CSNK1G3: variants seen among roughly 807,000 people sequenced by gnomAD.
CSNK1G3 encodes casein kinase I isoform gamma-3.
CSNK1G3 carries 23 observed loss-of-function variants against 64.3 expected under a neutral mutation model. That is an observed-to-expected ratio of 0.36 (90% CI 0.26 to 0.51). The LOEUF is 0.51. Ranked by LOEUF, CSNK1G3 falls within the 20% of genes least tolerant of loss-of-function variation. The probability of loss-of-function intolerance (pLI) is 0.96; values close to 1 mark genes in which losing one functional copy is unlikely to be tolerated. For missense variants in CSNK1G3, 357 were observed against 510.5 expected (o/e 0.70, Z 2.90); for synonymous variants, 158 against 162.2 (o/e 0.97, Z 0.20).
intron 1 of CSNK1G3, among the ~76,000 whole-genome samples, chr5:123,531,276 G>T (rs897461486): frequency 6.6e-6 from 1 of 152,058 alleles, no homozygotes; most frequent in Middle Eastern, 3.4e-3. Context: ...ACTTAATACC[G>T]ATATGTTCTC....
intron 3 of CSNK1G3, among the ~76,000 whole-genome samples, chr5:123,557,093 A>G (rs1382554960): frequency 2.0e-5 from 3 of 152,248 alleles, no homozygotes; most frequent in Admixed American, 6.5e-5. Context: ...TCAAATTACC[A>G]TCTTTGTTCT....
chr5:123,588,950 T>G (rs1262939934), intron 8 of CSNK1G3, among the ~76,000 whole-genome samples: 2 of 152,130 alleles, frequency 1.3e-5, no homozygotes, highest in African/African-American at 4.8e-5. Flanking sequence ...CCTCACTAGT[T>G]TGGGGCTAAT....
chr5:123,590,582 A>G (rs1792151768), intron 9 of CSNK1G3, 24 bp downstream of exon 9: 1 of 1,355,290 alleles, frequency 7.4e-7, no homozygotes, highest in Non-Finnish European at 9.9e-7. Context: ...ATAATAATAT[A>G]TTACTTACAG....
chr5:123,578,944 A>G lies in CSNK1G3; in HGVS notation c.673+2981A>G, dbSNP rs531267291. Among the ~76,000 whole-genome samples the G allele has an allele frequency of 3.3e-5, 5 of 152,098 alleles. No individual in the cohort carries two copies. In the South Asian group the frequency reaches 6.2e-4, roughly 19 times the overall value. On this transcript the variant is annotated intron_variant, in intron 6 of 12. Transcript: ENST00000345990. ...TACAAACTTAATTATCTGCTTTTAG[A>G]TATTATTCTGCTTTCAGATACTATT...
At chr5:123,604,034 C>G (rs894066438) in intron 10 of CSNK1G3, among the ~76,000 whole-genome samples, 1 of 152,006 alleles carries the variant, frequency 6.6e-6, no homozygotes, top group Admixed American at 6.6e-5. Flanking sequence ...AAGCTGAAGA[C>G]TAGATAATAG....
intron 1 of CSNK1G3, among the ~76,000 whole-genome samples, chr5:123,520,036 A>G (rs1777826125): frequency 6.6e-6 from 1 of 152,228 alleles, no homozygotes; most frequent in Admixed American, 6.5e-5. Flanking sequence ...ATAAGTAAAC[A>G]GACAAAATTT....
chr5:123,533,766 A>C (rs1780345571), intron 1 of CSNK1G3, among the ~76,000 whole-genome samples: 2 of 151,620 alleles, frequency 1.3e-5, no homozygotes, highest in Admixed American at 1.3e-4. Flanking sequence ...TTTTAAAGTA[A>C]GTTCTCTTCT....
chr5:123,523,733 T>A (rs1778539142), intron 1 of CSNK1G3, among the ~76,000 whole-genome samples: 1 of 152,230 alleles, frequency 6.6e-6, no homozygotes, highest in Admixed American at 6.5e-5. Context: ...CTAATTCCTT[T>A]TCAACAGTTC....
At chr5:123,512,809 A>AGGGGGCAGC (rs1776459231) in intron 1 of CSNK1G3, among the ~76,000 whole-genome samples, 1 of 144,398 alleles carries the variant, frequency 6.9e-6, no homozygotes, top group Admixed American at 6.8e-5. Context: ...GCGGAGGGCT[A>AGGGGGCAGC]GGGGGCAGCG....
chr5:123,594,074 AG>A (rs1478146610), intron 10 of CSNK1G3, among the ~76,000 whole-genome samples: 1 of 152,156 alleles, frequency 6.6e-6, no homozygotes, highest in Non-Finnish European at 1.5e-5. Context: ...ACTGTGGGGA[AG>A]TGGTTAATGT....
chr5:123,568,436 T>C (rs979344945), intron 4 of CSNK1G3, among the ~76,000 whole-genome samples: 3 of 152,164 alleles, frequency 2.0e-5, no homozygotes, highest in Non-Finnish European at 4.4e-5. Flanking sequence ...AAATGGTTCA[T>C]TGTTGTTGTG....
At chr5:123,538,323 C>A (rs764834737) in intron 1 of CSNK1G3, among the ~76,000 whole-genome samples, 3 of 152,118 alleles carry the variant, frequency 2.0e-5, no homozygotes, top group African/African-American at 7.2e-5. Context: ...GTTCTTCATT[C>A]TTACCAACAC....
At chr5:123,585,817 A>G (rs536059655) in intron 6 of CSNK1G3, among the ~76,000 whole-genome samples, 5 of 152,342 alleles carry the variant, frequency 3.3e-5, no homozygotes, top group East Asian at 1.9e-4. Context: ...GACAGGTGCA[A>G]CTGAAACTCC....
rs374469630 is a variant in CSNK1G3, at chr5:123,545,752, G to C, written c.89G>C (p.Gly30Ala). 3.7e-6 allele frequency: 6 copies of C among 1,613,458 alleles called. No homozygotes were observed. In the African/African-American group the frequency reaches 8.0e-5, roughly 22 times the overall value. ...TCGGGACACAACACTCGAGGAACTG[G>C]GTCTTCATCGTCTGGAGTTTTAATG... is the stretch of plus-strand genomic sequence containing the variant. Residue 30 changes from glycine (G) to alanine (A), a missense_variant, in exon 2 of 13, where the codon GGG (glycine) becomes GCG (alanine). Gly to Ala is a moderately conservative substitution (Grantham distance 60). This residue lies in a region of CSNK1G3 where 42 missense variants were observed against 43.0 expected (regional missense o/e 0.98). Transcript: ENST00000345990.
At position 123,616,916 on chromosome 5, in the gene CSNK1G3, G is replaced by C. The variant is rs1410805271; in HGVS notation, c.*2520G>C. 1.3e-5 allele frequency: 2 copies of C among 151,952 alleles called. 1 individual carries two copies. Among genetic ancestry groups the C allele is most frequent in the South Asian group, 4.1e-4 (2 of 4,820 alleles). 9.4% of individuals were successfully genotyped at this position (151,952 alleles called of 1,614,324 possible). A position where few individuals can be genotyped will look rare whatever the true frequency, so the allele number is the denominator to read the frequency against. Reference sequence around the variant, plus strand: ...ATATGCTTTTGTTATTTTATGTTTTGTTTTGCTTTCTTGAAATCCAGTGGT... The same window carrying C: ...ATATGCTTTTGTTATTTTATGTTTTCTTTTGCTTTCTTGAAATCCAGTGGT... On this transcript the variant is annotated 3_prime_UTR_variant, in exon 13 of 13. Coordinates refer to ENST00000345990, the Ensembl canonical transcript of CSNK1G3.
chr5:123,540,964 CTG>C (rs1316493874), intron 1 of CSNK1G3, among the ~76,000 whole-genome samples: 30 of 152,116 alleles, frequency 2.0e-4, no homozygotes, highest in African/African-American at 6.8e-4. Context: ...TAAATATACT[CTG>C]TAATATTTTA....
At chr5:123,576,019 G>C in intron 6 of CSNK1G3, 56 bp downstream of exon 6, 2 of 1,126,922 alleles carry the variant, frequency 1.8e-6, no homozygotes, top group Non-Finnish European at 2.6e-6. Context: ...TGCTAACACT[G>C]TGAGTTTTTA....
chr5:123,588,105 T>C (rs1264773788), exon 7 of CSNK1G3: 12 of 1,597,886 alleles, frequency 7.5e-6, no homozygotes, highest in Non-Finnish European at 1.0e-5. Flanking sequence ...CTTTAGGTCA[T>C]ATGTTCATGT....
intron 10 of CSNK1G3, 149 bp downstream of exon 11, chr5:123,595,283 A>G (rs1793210062): frequency 1.4e-6 from 1 of 725,470 alleles, no homozygotes; most frequent in Admixed American, 3.3e-5. Context: ...TTATTTAACC[A>G]GAAAAACCAA....
Sources: gnomAD v4.1 joint callset for allele counts (sites outside exome capture counted in the v4.1 genomes callset) on GRCh38, gnomAD v4.1.1 for gene constraint, gnomAD v4.1.1 regional missense constraint, MANE v1.5 for transcripts, NCBI Gene and HGNC (gene_info 2026-07-23, HGNC 2026-07-21) for gene names.